RCL1: variants seen among roughly 807,000 people sequenced by gnomAD.
RCL1 encodes the protein RNA 3'-terminal phosphate cyclase-like protein.
RCL1 carries 24 observed loss-of-function variants against 42.4 expected under a neutral mutation model. The ratio of observed to expected loss-of-function variants is 0.57; its 90% CI spans 0.41 to 0.80. RCL1 has a LOEUF of 0.80. Ranked by LOEUF, RCL1 falls within the 30% of genes least tolerant of loss-of-function variation. RCL1 has a pLI of 0.00. For missense variants in RCL1, 578 were observed against 467.9 expected, an observed-to-expected ratio of 1.24 and a Z score of -2.17; for synonymous variants, 228 against 177.3, an observed-to-expected ratio of 1.29 and a Z score of -2.27.
intron 8 of RCL1, among the ~76,000 whole-genome samples, chr9:4,852,461 G>A (rs1201206483): frequency 1.3e-5 from 2 of 152,330 alleles, no homozygotes; most frequent in South Asian, 2.1e-4. Context: ...TGAGACTGCA[G>A]TTACCAGAGC....
chr9:4,850,180 AG>A (rs1817681117), intron 8 of RCL1: 1 of 412,142 alleles, frequency 2.4e-6, no homozygotes, highest in Non-Finnish European at 5.5e-6. Flanking sequence ...AGCCTATTTG[AG>A]TACTGACATT....
intron 8 of RCL1, 94 bp downstream of exon 8, chr9:4,849,644 C>T (rs773086777): frequency 1.2e-5 from 10 of 836,282 alleles, no homozygotes; most frequent in Non-Finnish European, 2.0e-5. Flanking sequence ...AGAGCCTGCA[C>T]TATGAACACC....
chr9:4,832,888 T>C (rs439975), intron 3 of RCL1, among the ~76,000 whole-genome samples: 109,458 of 150,098 alleles, frequency 0.73, 41,909 homozygotes, highest in East Asian at 0.92. Context: ...TTTTGCATGA[T>C]GCCTCTGATG....
chr9:4,859,333 C>T (rs771621729), intron 8 of RCL1, among the ~76,000 whole-genome samples: 3 of 152,178 alleles, frequency 2.0e-5, no homozygotes, highest in African/African-American at 7.2e-5. Context: ...AGTTCTTCCC[C>T]GTCTGTGTTG....
intron 7 of RCL1, among the ~76,000 whole-genome samples, chr9:4,846,485 A>G (rs551714013): frequency 5.3e-5 from 8 of 152,244 alleles, no homozygotes; most frequent in Admixed American, 4.6e-4. Context: ...AAAAATGGGT[A>G]GTAACTAAAA....
chr9:4,844,219 T>C (rs1423882508), intron 6 of RCL1, among the ~76,000 whole-genome samples: 2 of 152,190 alleles, frequency 1.3e-5, no homozygotes, highest in Non-Finnish European at 2.9e-5. Flanking sequence ...TGTGGTTGCA[T>C]ACGGATTGTA....
chr9:4,794,711 T>G (rs890141384), intron 1 of RCL1, among the ~76,000 whole-genome samples: 1 of 152,122 alleles, frequency 6.6e-6, no homozygotes, highest in Admixed American at 6.5e-5. Context: ...AATCTAGTTC[T>G]ATTTAGAGTT....
intron 1 of RCL1, among the ~76,000 whole-genome samples, chr9:4,805,186 C>G (rs1843081581): frequency 6.6e-6 from 1 of 152,144 alleles, no homozygotes; most frequent in Non-Finnish European, 1.5e-5. Context: ...GACCCCATCT[C>G]TACAGAAAAC....
chr9:4,806,471 C>A (rs1305288703), intron 1 of RCL1, among the ~76,000 whole-genome samples: 2 of 151,920 alleles, frequency 1.3e-5, no homozygotes, highest in Non-Finnish European at 2.9e-5. Context: ...TTTTTCTGCA[C>A]CAGTTGATGT....
At chr9:4,825,762 G>A (rs143106919) in intron 2 of RCL1, among the ~76,000 whole-genome samples, 438 of 152,164 alleles carry the variant, frequency 2.9e-3, no homozygotes, top group African/African-American at 9.4e-3. Flanking sequence ...GGAGAGCCAG[G>A]CATGGTGGTT....
intron 1 of RCL1, among the ~76,000 whole-genome samples, chr9:4,798,771 C>T (rs923208200): frequency 1.3e-5 from 2 of 152,064 alleles, no homozygotes; most frequent in Non-Finnish European, 2.9e-5. Context: ...TTACTACTAA[C>T]TGTAGATTGA....
chr9:4,823,858 A>G (rs967132822), intron 2 of RCL1, among the ~76,000 whole-genome samples: 6 of 152,178 alleles, frequency 3.9e-5, no homozygotes, highest in Admixed American at 2.0e-4. Context: ...TTGGAGTTAT[A>G]TGAGGAAGCT....
At chr9:4,809,470 C>T (rs565489064) in intron 1 of RCL1, among the ~76,000 whole-genome samples, 84 of 152,148 alleles carry the variant, frequency 5.5e-4, no homozygotes, top group Admixed American at 3.9e-3. Flanking sequence ...CCACCACACC[C>T]GGCTAATTTT....
At chr9:4,793,302 C>A in intron 1 of RCL1, 75 bp downstream of exon 1, 1 of 1,481,708 alleles carries the variant, frequency 6.7e-7, no homozygotes, top group Non-Finnish European at 9.0e-7. Context: ...TGGGGGCCCG[C>A]GCGGTGTTGG....
At chr9:4,822,226 G>A (rs974625336) in intron 1 of RCL1, among the ~76,000 whole-genome samples, 2 of 152,208 alleles carry the variant, frequency 1.3e-5, no homozygotes, top group Non-Finnish European at 1.5e-5. Context: ...CACCCTTTGG[G>A]ATCAGTTTAG....
At chr9:4,851,933 G>T (rs456707) in intron 8 of RCL1, among the ~76,000 whole-genome samples, 131,018 of 146,914 alleles carry the variant, frequency 0.89, 58,516 homozygotes, top group East Asian at 1. Flanking sequence ...CAGGCTAGAG[G>T]GCAGAGGCGC....
chr9:4,793,244 G>A lies in RCL1; in HGVS notation c.136+17G>A. ...GCCTCCGAGGTAACTTGGTGTGGGC[G>A]GCGCGCGGCGTGGGCGCGGGGGCTG... On this transcript the variant is annotated intron_variant, in intron 1 of 8. Transcript: ENST00000381750. 6.3e-7 allele frequency: 1 copy of A among 1,578,456 alleles called. No homozygotes were observed. Among genetic ancestry groups the A allele is most frequent in the Non-Finnish European group, 8.6e-7 (1 of 1,162,000 alleles).
chr9:4,830,174 G>C (rs977089702), intron 3 of RCL1, among the ~76,000 whole-genome samples: 3 of 152,180 alleles, frequency 2.0e-5, no homozygotes, highest in African/African-American at 7.2e-5. Flanking sequence ...CATTTTTATT[G>C]ACCTTTGAGA....
intron 8 of RCL1, among the ~76,000 whole-genome samples, chr9:4,857,631 A>G (rs1818006843): frequency 6.6e-6 from 1 of 152,166 alleles, no homozygotes; most frequent in Admixed American, 6.5e-5. Flanking sequence ...TATTCCTAAG[A>G]GTAGAATTAC....
Sources: gnomAD v4.1 joint callset for allele counts (sites outside exome capture counted in the v4.1 genomes callset) on GRCh38, gnomAD v4.1.1 for gene constraint, MANE v1.5 for transcripts, NCBI Gene and HGNC (gene_info 2026-07-23, HGNC 2026-07-21) for gene names.